The following LOC400499 variants were observed in gnomAD, a reference collection of about 807,000 sequenced individuals.
At chr16:11,447,933 C>G in the LOC400499 span, 38 of 1,534,940 alleles carry the variant, frequency 2.5e-5, no homozygotes, top group South Asian at 3.8e-4. Flanking sequence ...GGCGCACATA[C>G]CTAAGGAGCA....
the LOC400499 span, among the ~76,000 whole-genome samples, chr16:11,495,011 C>G: frequency 6.6e-6 from 1 of 152,154 alleles, no homozygotes; most frequent in African/African-American, 2.4e-5. Flanking sequence ...GAGTTCGAGA[C>G]CAGCCTGGCC....
the LOC400499 span, among the ~76,000 whole-genome samples, chr16:11,517,781 G>C: frequency 1.3e-5 from 2 of 152,174 alleles, no homozygotes; most frequent in Non-Finnish European, 2.9e-5. Flanking sequence ...GTGAAGGGAC[G>C]GGGAAGTGAA....
At chr16:11,387,308 C>T in the LOC400499 span, 20 of 1,232,098 alleles carry the variant, frequency 1.6e-5, no homozygotes, top group Non-Finnish European at 2.0e-5. Context: ...GCAGGGAATG[C>T]AGAGGACAAG....
At chr16:11,405,654 C>T in the LOC400499 span, among the ~76,000 whole-genome samples, 1 of 152,134 alleles carries the variant, frequency 6.6e-6, no homozygotes, top group East Asian at 1.9e-4. Context: ...TCTTAAACGT[C>T]TCTAAAACCT....
At chr16:11,392,709 G>A in the LOC400499 span, 3 of 912,774 alleles carry the variant, frequency 3.3e-6, no homozygotes, top group Non-Finnish European at 3.9e-6. Flanking sequence ...AGTCAGTTAG[G>A]GATGCCATAA....
At chr16:11,483,708 T>TAAA in the LOC400499 span, among the ~76,000 whole-genome samples, 6 of 145,288 alleles carry the variant, frequency 4.1e-5, no homozygotes, top group Admixed American at 1.4e-4. Flanking sequence ...TGTACAACTT[T>TAAA]TAAAAAAAAA....
At chr16:11,463,896 G>A in the LOC400499 span, among the ~76,000 whole-genome samples, 3 of 152,160 alleles carry the variant, frequency 2.0e-5, no homozygotes, top group African/African-American at 7.2e-5. Context: ...AATGTGTACA[G>A]ATATGTCCAC....
At chr16:11,477,872 G>C in the LOC400499 span, 340 of 399,066 alleles carry the variant, frequency 8.5e-4, 3 homozygotes, top group African/African-American at 6.5e-3. Flanking sequence ...CTGGAAGTCA[G>C]TGGTTCCTCG....
chr16:11,472,961 C>G, the LOC400499 span: 28 of 152,002 alleles, frequency 1.8e-4, no homozygotes, highest in African/African-American at 6.8e-4. Context: ...AAGCCTGTCT[C>G]TACTAAAATT....
chr16:11,458,202 C>T, the LOC400499 span, among the ~76,000 whole-genome samples: 2 of 152,178 alleles, frequency 1.3e-5, no homozygotes, highest in Non-Finnish European at 1.5e-5. Context: ...AAAAATTAGC[C>T]GGGCGTGGTC....
chr16:11,498,956 G>A, the LOC400499 span, among the ~76,000 whole-genome samples: 2 of 147,290 alleles, frequency 1.4e-5, no homozygotes, highest in Non-Finnish European at 3.0e-5. Flanking sequence ...TGCTGGTGAG[G>A]AATGGGGCTG....
At chr16:11,471,918 T>C in the LOC400499 span, 1 of 398,204 alleles carries the variant, frequency 2.5e-6, no homozygotes, top group Non-Finnish European at 4.4e-6. Flanking sequence ...ACCTCTTCTC[T>C]AATTTCTTCT....
the LOC400499 span, among the ~76,000 whole-genome samples, chr16:11,449,978 T>C: frequency 1.3e-5 from 2 of 152,232 alleles, no homozygotes; most frequent in Admixed American, 6.5e-5. Flanking sequence ...CTCTCCTGTC[T>C]TGGCATCCTC....
the LOC400499 span, among the ~76,000 whole-genome samples, chr16:11,443,902 T>C: frequency 6.6e-6 from 1 of 151,934 alleles, no homozygotes; most frequent in Non-Finnish European, 1.5e-5. Flanking sequence ...TGCTGGGATC[T>C]CGGCTCACCG....
the LOC400499 span, among the ~76,000 whole-genome samples, chr16:11,394,235 C>T: frequency 1.3e-5 from 2 of 152,224 alleles, no homozygotes; most frequent in African/African-American, 2.4e-5. Context: ...ACCTAAGTCC[C>T]TGCAGGTGCC....
the LOC400499 span, among the ~76,000 whole-genome samples, chr16:11,508,273 A>G: frequency 5.9e-5 from 9 of 152,196 alleles, no homozygotes; most frequent in Non-Finnish European, 1.5e-5. Context: ...ATGATCACCA[A>G]CGAAGGAACT....
chr16:11,424,339 G>A, the LOC400499 span: 3 of 399,606 alleles, frequency 7.5e-6, no homozygotes. Flanking sequence ...GCCTCGGAGG[G>A]GAGTCCTGGG....
the LOC400499 span, chr16:11,459,911 G>C: frequency 6.9e-7 from 1 of 1,446,426 alleles, no homozygotes; most frequent in Non-Finnish European, 9.1e-7. Context: ...TGAAGTGATT[G>C]CTCAGGGCGG....
chr16:11,485,860 G>A, the LOC400499 span, among the ~76,000 whole-genome samples: 6 of 152,188 alleles, frequency 3.9e-5, no homozygotes, highest in African/African-American at 7.2e-5. Context: ...ATGAAAGATG[G>A]ATGAGTGGGA....
Sources: allele counts gnomAD v4.1 joint callset (sites outside exome capture counted in the v4.1 genomes callset), GRCh38; gene constraint gnomAD v4.1.1; transcripts MANE v1.5.